Variants in VPS13C observed in about 807,000 individuals in gnomAD.
VPS13C encodes the protein intermembrane lipid transfer protein VPS13C.
VPS13C carries 358 observed loss-of-function variants against 456.8 expected under a neutral mutation model. The ratio of observed to expected loss-of-function variants is 0.78; its 90% CI spans 0.72 to 0.86. The LOEUF is 0.86. VPS13C is among the 40% of genes least tolerant of loss of function. The pLI is 0.00. For missense variants in VPS13C, 4,818 were observed against 4,385.4 expected (o/e 1.10, Z -2.79); for synonymous variants, 1,578 against 1,486.7 (o/e 1.06, Z -1.41).
intron 35 of VPS13C, among the ~76,000 whole-genome samples, chr15:61,960,812 A>C (rs2045170717): frequency 6.6e-6 from 1 of 152,228 alleles, no homozygotes; most frequent in Non-Finnish European, 1.5e-5. Context: ...GCGATGGCTC[A>C]TGCCTGTAAT....
rs1436988449 is a variant in VPS13C at position 61,920,406 on chromosome 15, A to T, written c.7213-75T>A. The T allele has an allele frequency of 2.0e-6, 3 of 1,497,676 alleles. No homozygotes were observed. The African/African-American group carries it at 4.2e-5, about 21-fold the overall frequency. 92.8% of individuals were successfully genotyped at this position (1,497,676 alleles called of 1,614,324 possible). On this transcript the variant is annotated intron_variant, in intron 56 of 84. Transcript: ENST00000644861. The stretch of plus-strand genomic sequence containing the variant: ...TTCCCAAAACCTATACCATAATTAC[A>T]CATTTTTTGGAAACTAATTTTGATG...
At position 61,920,078 on chromosome 15, in the gene VPS13C, G is replaced by C. The variant is rs764029019; in HGVS notation, c.7466C>G (p.Thr2489Ser). 6 of 1,605,710 alleles carry C rather than the reference G, an allele frequency of 3.7e-6. No individual in the cohort carries two copies. In the South Asian group the frequency reaches 6.7e-5, roughly 18 times the overall value. The change falls in exon 57 of 85, where the codon ACT (threonine) becomes AGT (serine). Residue 2489 changes from threonine to serine, a missense_variant. Around this residue, in one of 3 missense-constraint regions of VPS13C, gnomAD observed 4,552 missense variants for 4,130.6 expected, o/e 1.10. Coordinates refer to ENST00000644861, the MANE Select transcript of VPS13C (RefSeq NM_020821.3). Reference protein sequence around the residue: ...ILSRQESSFFTLTIVPHGYTE... With the variant: ...ILSRQESSFFSLTIVPHGYTE... ...CAAATATAGCCTACCAATGGTCAGA[G>C]TGAAGAAGGAGCTTTCTTGACGGCT...
intron 12 of VPS13C, 125 bp downstream of exon 12, chr15:62,011,982 A>G (rs1322931295): frequency 1.7e-6 from 1 of 587,606 alleles, no homozygotes; most frequent in Non-Finnish European, 3.0e-6. Context: ...ATGTTGTATC[A>G]TAATAGTAAG....
chr15:61,981,284 A>C, intron 22 of VPS13C, 58 bp downstream of exon 22: 1 of 1,511,606 alleles, frequency 6.6e-7, no homozygotes, highest in South Asian at 1.3e-5. Flanking sequence ...AAACTGTTGG[A>C]GAGTTAGCTA....
At position 62,060,285 on chromosome 15, in the gene VPS13C, G is replaced by A; in HGVS notation, c.90C>T (p.Gly30=). The change falls in exon 1 of 85, where the codon GGC becomes GGT. Residue 30 remains glycine, a synonymous_variant. Transcript: ENST00000644861. ...ENLNKSQLKL[G]IWGGNVALDN... Reference sequence around the variant, plus strand: ...CGCCCTCTCGCTTACCGCCCCAGATGCCCAGCTTCAGCTGGGACTTGTTCA... The same window carrying A: ...CGCCCTCTCGCTTACCGCCCCAGATACCCAGCTTCAGCTGGGACTTGTTCA... The A allele has an allele frequency of 6.2e-7, 1 of 1,604,690 alleles. No homozygotes were observed. Among genetic ancestry groups the A allele is most frequent in the Non-Finnish European group, 8.5e-7 (1 of 1,176,078 alleles).
At chr15:61,980,521 G>C (rs2045849281) in intron 22 of VPS13C, among the ~76,000 whole-genome samples, 1 of 152,068 alleles carries the variant, frequency 6.6e-6, no homozygotes, top group Admixed American at 6.6e-5. Flanking sequence ...TGCTTCTTCT[G>C]CTCCTTCCTC....
chr15:61,912,010 G>A lies in VPS13C; in HGVS notation c.8551-6C>T. The A allele has an allele frequency of 6.4e-7, 1 of 1,563,198 alleles. No homozygotes were observed. The highest frequency in any genetic ancestry group is 1.4e-5 in the African/African-American group (1 of 73,432). ...ATTTTGATGCTAACACCAACCTGTG[G>A]AAAGGAAAAAAGCTTATTTTCCAGT... On this transcript the variant is annotated splice_region_variant and splice_polypyrimidine_tract_variant and intron_variant, in intron 62 of 84. Transcript: ENST00000644861.
intron 39 of VPS13C, 64 bp from the exon 40 acceptor site, chr15:61,951,088 C>T (rs772340505): frequency 6.6e-5 from 70 of 1,056,344 alleles, no homozygotes; most frequent in Non-Finnish European, 9.0e-5. Flanking sequence ...TAAAACAGGA[C>T]CAGCCAAATG....
chr15:62,043,334 GTGGCTCCA>G (rs1296795900), intron 2 of VPS13C, among the ~76,000 whole-genome samples: 3 of 152,220 alleles, frequency 2.0e-5, no homozygotes, highest in African/African-American at 7.2e-5. Flanking sequence ...GCTGGGCGCA[GTGGCTCCA>G]TGCCTGTAAT....
Position 62,041,434 on chromosome 15 carries a change from G to T in VPS13C, c.145-68C>A. 2.7e-6 allele frequency: 4 copies of T among 1,472,086 alleles called. No homozygotes were observed. In the South Asian group the frequency reaches 3.7e-5, roughly 13 times the overall value. The allele number at this position is 1,472,086 out of a possible 1,614,324, so 91.2% of individuals were successfully genotyped here. A position where few individuals can be genotyped will look rare whatever the true frequency, so the allele number is the denominator to read the frequency against. Reference sequence around the variant, plus strand: ...AAGCCAACCCAAAAATCACTTTTGTGTGATCATTTAAATACACATGTCCAA... The same window carrying T: ...AAGCCAACCCAAAAATCACTTTTGTTTGATCATTTAAATACACATGTCCAA... On this transcript the variant is annotated intron_variant, in intron 2 of 84. Transcript: ENST00000644861.
At chr15:61,978,580 C>T (rs767450783) in intron 23 of VPS13C, 46 bp downstream of exon 23, 26 of 1,589,922 alleles carry the variant, frequency 1.6e-5, no homozygotes, top group Non-Finnish European at 2.2e-5. Context: ...ATTACACAAA[C>T]TACCCATCAT....
intron 27 of VPS13C, 78 bp downstream of exon 27, chr15:61,972,547 A>G: frequency 4.0e-6 from 6 of 1,501,740 alleles, no homozygotes; most frequent in Non-Finnish European, 5.4e-6. Context: ...TATACTTGAC[A>G]TTTGGGTCTA....
At chr15:61,991,325 T>C (rs1454042111) in intron 17 of VPS13C, among the ~76,000 whole-genome samples, 2 of 152,188 alleles carry the variant, frequency 1.3e-5, no homozygotes, top group East Asian at 1.9e-4. Flanking sequence ...TTCTAATATA[T>C]GGGTTTTAGA....
rs1466247783 is a variant in VPS13C, at chr15:61,949,615, T to C, written c.4597-10A>G. On this transcript the variant is annotated splice_polypyrimidine_tract_variant and intron_variant, in intron 41 of 84. Coordinates refer to ENST00000644861, the MANE Select transcript of VPS13C (RefSeq NM_020821.3). ...AGGATGCAAATGAAACCTAAGATAA[T>C]GAACAATTAAAGAGGCAGATTTCAG... 3 of 1,588,046 alleles carry C rather than the reference T, an allele frequency of 1.9e-6. No individual in the cohort carries two copies. Among genetic ancestry groups the C allele is most frequent in the Non-Finnish European group, 2.6e-6 (3 of 1,173,364 alleles).
chr15:61,883,153 G>T, intron 68 of VPS13C, among the ~76,000 whole-genome samples: 1 of 150,882 alleles, frequency 6.6e-6, no homozygotes, highest in Non-Finnish European at 1.5e-5. Context: ...CTCCCAAGCA[G>T]CTGAGACTAC....
In VPS13C at chr15:61,954,538, G is replaced by A; in HGVS notation, c.4182C>T (p.Pro1394=). Residue 1394 remains proline (P), a synonymous_variant, in exon 38 of 85, where the codon CCC becomes CCT. Coordinates refer to ENST00000644861, the MANE Select transcript of VPS13C (RefSeq NM_020821.3). ...RVQETGEIKE[P]LEISISQDVH... ...CATCTTGTGATATAGAGATTTCAAG[G>A]GGCTCTTTAATTTCACCTGAAATGT... 2 of 1,575,866 alleles carry A rather than the reference G, an allele frequency of 1.3e-6. No homozygotes were observed. The highest frequency in any genetic ancestry group is 1.4e-5 in the African/African-American group (1 of 72,590).
At chr15:61,934,805 CA>C (rs796988040) in intron 48 of VPS13C, among the ~76,000 whole-genome samples, 11 of 152,210 alleles carry the variant, frequency 7.2e-5, no homozygotes, top group African/African-American at 2.6e-4. Context: ...GGCTGGAGTG[CA>C]GTGGCACGAT....
chr15:61,854,097 A>G lies in VPS13C; in HGVS notation c.*360T>C, dbSNP rs1893781436. On this transcript the variant is annotated 3_prime_UTR_variant, in exon 85 of 85. Transcript: ENST00000644861. ...ATAAAAAAACCTTTCAAAGAACACT[A>G]GTCATTCTAAGCTCATTTCTTATTC... The G allele has an allele frequency of 4.7e-6, 1 of 212,334 alleles. No homozygotes were observed. Among genetic ancestry groups the G allele is most frequent in the Non-Finnish European group, 9.4e-6 (1 of 106,364 alleles). 13.2% of individuals were successfully genotyped at this position (212,334 alleles called of 1,614,324 possible).
intron 83 of VPS13C, 125 bp downstream of exon 83, chr15:61,856,161 T>A: frequency 8.7e-7 from 1 of 1,155,616 alleles, no homozygotes; most frequent in South Asian, 1.8e-5. Flanking sequence ...GATTACATCT[T>A]TCTTCACATC....
Sources: allele counts gnomAD v4.1 joint callset (sites outside exome capture counted in the v4.1 genomes callset), GRCh38; gene constraint gnomAD v4.1.1; regional missense constraint gnomAD v4.1.1; transcripts MANE v1.5; gene names NCBI Gene and HGNC (gene_info 2026-07-23, HGNC 2026-07-21).